ZER1: variants seen among roughly 807,000 people sequenced by gnomAD.
ZER1 encodes the protein zyg-11 related cell cycle regulator.
In ZER1, 11 loss-of-function variants were observed where a neutral mutation model predicts 78.8. That is an observed-to-expected ratio of 0.14 (90% CI 0.09 to 0.23). ZER1 has a LOEUF of 0.23. ZER1 is among the 10% of genes least tolerant of loss of function. The pLI is 1.00. For synonymous variants in ZER1, 400 were observed against 407.0 expected, an observed-to-expected ratio of 0.98 and a Z score of 0.21; for missense variants, 588 against 996.9, an observed-to-expected ratio of 0.59 and a Z score of 5.52.
At position 128,753,685 on chromosome 9, in the gene ZER1, G is replaced by A. The variant is rs1291440136; in HGVS notation, c.310-85C>T. ...CCTTGCCCTGGGCTACAGGTGGGTT[G>A]GAAAGGGGGATGTGCACAGTCACGG... On this transcript the variant is annotated intron_variant, in intron 3 of 15. Coordinates refer to ENST00000291900, the MANE Select transcript of ZER1 (RefSeq NM_006336.4). The surrounding 1 kb of genome is among the most constrained non-coding windows in gnomAD (Gnocchi z 7.5). The A allele has an allele frequency of 8.9e-6, 14 of 1,564,872 alleles. No individual in the cohort carries two copies. The African/African-American group carries it at 1.5e-4, about 17-fold the overall frequency.
chr9:128,753,881 G>C lies in ZER1; in HGVS notation c.237C>G (p.Ser79Arg). Residue 79 changes from serine (S) to arginine (R), a missense_variant, in exon 3 of 16, where the codon AGC becomes AGG. Around this residue, in one of 3 missense-constraint regions of ZER1, gnomAD observed 406 missense variants for 660.1 expected, o/e 0.62. Transcript: ENST00000291900. This position sits in a 1 kb window ranked among gnomAD's most constrained non-coding sequence, Gnocchi z 7.5. ...GGAGGTGGATCCGCGTGAGGCGGGTGCTGCGGGGGTCCGAAAAGAGGCTGA... is the reference window on the plus strand; with the variant it reads ...GGAGGTGGATCCGCGTGAGGCGGGTCCTGCGGGGGTCCGAAAAGAGGCTGA... ...SFFSLFSDPR[S>R]TRLTRIHLRE... 4 of 1,601,782 alleles carry C rather than the reference G, an allele frequency of 2.5e-6. No individual in the cohort carries two copies. The highest frequency in any genetic ancestry group is 3.4e-6 in the Non-Finnish European group (4 of 1,174,636).
At chr9:128,772,165 C>T (rs1864408661), upstream of ZER1, among the ~76,000 whole-genome samples, 1 of 152,254 alleles carries the variant, frequency 6.6e-6, no homozygotes, top group South Asian at 2.1e-4. Context: ...TCGTGGGACC[C>T]TAGGATCGGT....
chr9:128,751,093 G>A lies in ZER1; in HGVS notation c.1185+29C>T. The A allele has an allele frequency of 1.9e-6, 3 of 1,562,410 alleles. No homozygotes were observed. Among genetic ancestry groups the A allele is most frequent in the Non-Finnish European group, 2.6e-6 (3 of 1,149,022 alleles). On this transcript the variant is annotated intron_variant, in intron 7 of 15. Transcript: ENST00000291900. The surrounding 1 kb of genome is among the most constrained non-coding windows in gnomAD (Gnocchi z 5.4). Reference sequence around the variant, plus strand: ...GCAACCTCCAGGTGGGGAGGGACAGGAGGCCAAGGCCCCAGGCTTGGAGCT... The same window carrying A: ...GCAACCTCCAGGTGGGGAGGGACAGAAGGCCAAGGCCCCAGGCTTGGAGCT...
At chr9:128,758,898 A>C (rs1256829449) in intron 1 of ZER1, among the ~76,000 whole-genome samples, 1 of 152,022 alleles carries the variant, frequency 6.6e-6, no homozygotes, top group East Asian at 1.9e-4. Flanking sequence ...GGTGCTGAGG[A>C]GCTTCTAGTC....
intron 1 of ZER1, among the ~76,000 whole-genome samples, chr9:128,759,675 G>A (rs1386053156): frequency 6.6e-6 from 1 of 151,782 alleles, no homozygotes; most frequent in Admixed American, 6.6e-5. Flanking sequence ...CGCACCTGTA[G>A]TCCCAGCTAC....
chr9:128,735,407 G>A lies in ZER1; in HGVS notation c.2067C>T (p.Leu689=). 1 of 1,614,156 alleles carries A rather than the reference G, an allele frequency of 6.2e-7. No homozygotes were observed. Among genetic ancestry groups the A allele is most frequent in the Non-Finnish European group, 8.5e-7 (1 of 1,179,996 alleles). ...NYRSFEPILR[L]LPQGISPVSQ... is the part of the protein sequence containing the mutation. ...TGACAGGAGAGATTCCCTGGGGAAG[G>A]AGGCGGAGAATTGGTTCAAATGACC... The change falls in exon 14 of 16, where the codon CTC becomes CTT. Residue 689 remains leucine (L), a synonymous_variant. Transcript: ENST00000291900.
rs1863762084 is a variant in ZER1 at position 128,753,677 on chromosome 9, G to A, written c.310-77C>T. The A allele has an allele frequency of 1.9e-6, 3 of 1,571,654 alleles. No individual in the cohort carries two copies. In the South Asian group the frequency reaches 3.5e-5, roughly 18 times the overall value. ...GCCCCAGGCCTTGCCCTGGGCTACA[G>A]GTGGGTTGGAAAGGGGGATGTGCAC... On this transcript the variant is annotated intron_variant, in intron 3 of 15. Coordinates refer to ENST00000291900, the MANE Select transcript of ZER1 (RefSeq NM_006336.4). This position sits in a 1 kb window ranked among gnomAD's most constrained non-coding sequence, Gnocchi z 7.5.
chr9:128,765,141 C>T (rs894384257), intron 1 of ZER1, among the ~76,000 whole-genome samples: 9 of 152,226 alleles, frequency 5.9e-5, no homozygotes, highest in African/African-American at 2.2e-4. Flanking sequence ...AACTGACACC[C>T]TCCTACTGCC....
At chr9:128,758,419 C>T (rs919631915) in intron 1 of ZER1, among the ~76,000 whole-genome samples, 1 of 150,854 alleles carries the variant, frequency 6.6e-6, no homozygotes, top group Non-Finnish European at 1.5e-5. Flanking sequence ...AGCCACTGTG[C>T]CTGGCCTTAA....
At chr9:128,765,091 T>C (rs1258479432) in intron 1 of ZER1, among the ~76,000 whole-genome samples, 2 of 152,218 alleles carry the variant, frequency 1.3e-5, no homozygotes, top group Admixed American at 6.5e-5. Context: ...CCTAGTACCC[T>C]GTACTTGCAA....
chr9:128,765,212 T>TACACAC lies in ZER1; in HGVS notation c.-95+6363_-95+6368dup, dbSNP rs60923356. 8.6e-3 allele frequency among the ~76,000 whole-genome samples: 1,284 copies of TACACAC among 149,782 alleles called. 19 individuals are homozygous for TACACAC. The highest frequency in any genetic ancestry group is 0.028 in the African/African-American group (1,163 of 40,958). ...TTGCATGCCTGCATCCATGCACATGTACACACACACACACACACACACACA... is the reference window on the plus strand; with the variant it reads ...TTGCATGCCTGCATCCATGCACATGTACACACACACACACACACACACACACACACA... On this transcript the variant is annotated intron_variant, in intron 1 of 15. Coordinates refer to ENST00000291900, the MANE Select transcript of ZER1 (RefSeq NM_006336.4).
chr9:128,752,750 C>T lies in ZER1; in HGVS notation c.846G>A (p.Met282Ile). Residue 282 changes from methionine (M) to isoleucine (I), a missense_variant, in exon 5 of 16, where the codon ATG becomes ATA. Physicochemically the swap from Met to Ile is conservative, Grantham distance 10 (BLOSUM62 1). Transcript: ENST00000291900. ...TCATGTGGCCAGAGATGTCCAGGGACATTAGGTTCCCCAGCTTCTGCACAA... is the reference window on the plus strand; with the variant it reads ...TCATGTGGCCAGAGATGTCCAGGGATATTAGGTTCCCCAGCTTCTGCACAA... The part of the protein sequence containing the change: ...SLFVQKLGNL[M>I]SLDISGHMIL... 6.2e-7 allele frequency: 1 copy of T among 1,614,170 alleles called. No homozygotes were observed. Among genetic ancestry groups the T allele is most frequent in the Non-Finnish European group, 8.5e-7 (1 of 1,180,036 alleles).
At chr9:128,758,146 G>A (rs907053696) in intron 1 of ZER1, among the ~76,000 whole-genome samples, 19 of 143,238 alleles carry the variant, frequency 1.3e-4, no homozygotes, top group African/African-American at 4.9e-4. Flanking sequence ...TTGAGATAGA[G>A]TCTTGCTCTG....
chr9:128,741,742 C>T, intron 10 of ZER1, 58 bp downstream of exon 10: 1 of 1,614,066 alleles, frequency 6.2e-7, no homozygotes, highest in East Asian at 2.2e-5. Flanking sequence ...CCAGGGGCAG[C>T]CCAGGCCCCT....
At chr9:128,757,854 T>A (rs1863910608) in intron 1 of ZER1, among the ~76,000 whole-genome samples, 1 of 152,088 alleles carries the variant, frequency 6.6e-6, no homozygotes, top group African/African-American at 2.4e-5. Flanking sequence ...CGTACATACG[T>A]TCAACACTTA....
chr9:128,733,560 G>C (rs970001920), intron 14 of ZER1, 32 bp from the exon 15 acceptor site: 46 of 1,591,368 alleles, frequency 2.9e-5, no homozygotes, highest in Non-Finnish European at 4.0e-5. Context: ...CAGAGGATCA[G>C]GATGGGTCTT....
intron 8 of ZER1, 31 bp from the exon 9 acceptor site, chr9:128,742,776 A>T: frequency 1.3e-6 from 2 of 1,569,116 alleles, no homozygotes; most frequent in Non-Finnish European, 1.7e-6. Context: ...AGTGGGGCAC[A>T]TTCAGGGTCA....
At chr9:128,735,487 T>G (rs762461218) in intron 13 of ZER1, 56 bp from the exon 14 acceptor site, 246 of 1,534,058 alleles carry the variant, frequency 1.6e-4, no homozygotes, top group Non-Finnish European at 2.0e-4. Context: ...AGTGTGTCTT[T>G]TCTTGTCTGA....
chr9:128,753,081 T>C lies in ZER1; in HGVS notation c.746+83A>G. 2 of 1,382,406 alleles carry C rather than the reference T, an allele frequency of 1.4e-6. No homozygotes were observed. The highest frequency in any genetic ancestry group is 9.6e-7 in the Non-Finnish European group (1 of 1,040,308). The allele number at this position is 1,382,406 out of a possible 1,614,324, so 85.6% of individuals were successfully genotyped here. ...TGCCTAGCCAAGCGCTCCTGAACCC[T>C]GAGGGCGTGACAACACCCACCTCTA... On this transcript the variant is annotated intron_variant, in intron 4 of 15. Transcript: ENST00000291900. This position sits in a 1 kb window ranked among gnomAD's most constrained non-coding sequence, Gnocchi z 7.5.
Sources: allele counts gnomAD v4.1 joint callset (sites outside exome capture counted in the v4.1 genomes callset), GRCh38; gene constraint gnomAD v4.1.1; regional missense constraint gnomAD v4.1.1; non-coding constraint Gnocchi (gnomAD v3.1); transcripts MANE v1.5; gene names NCBI Gene and HGNC (gene_info 2026-07-23, HGNC 2026-07-21).